Variants in ATF7 observed in about 807,000 individuals in gnomAD.
ATF7 encodes the protein activating transcription factor 7.
A neutral mutation model predicts 50.4 loss-of-function variants in ATF7; 10 were observed. That is an observed-to-expected ratio of 0.20 (90% CI 0.12 to 0.34). The LOEUF (loss-of-function observed/expected upper bound fraction) is 0.34, where lower values mean the gene tolerates loss of function less well. ATF7 is among the 10% of genes least tolerant of loss of function. The pLI is 1.00. For missense variants in ATF7, 465 were observed against 613.9 expected, an observed-to-expected ratio of 0.76 and a Z score of 2.56; for synonymous variants, 201 against 226.4, an observed-to-expected ratio of 0.89 and a Z score of 1.01.
At chr12:53,579,835 C>T (rs938698934) in intron 2 of ATF7, among the ~76,000 whole-genome samples, 1 of 151,492 alleles carries the variant, frequency 6.6e-6, no homozygotes, top group Non-Finnish European at 1.5e-5. Flanking sequence ...ACAAATTGTG[C>T]GCAATGCCTC....
chr12:53,609,063 A>C (rs1272502503), intron 1 of ATF7, among the ~76,000 whole-genome samples: 1 of 152,100 alleles, frequency 6.6e-6, no homozygotes, highest in East Asian at 1.9e-4. Context: ...CCAACACTTT[A>C]GGAGGCTGAG....
intron 11 of ATF7, among the ~76,000 whole-genome samples, chr12:53,520,390 A>G (rs933955962): frequency 6.6e-6 from 1 of 152,146 alleles, no homozygotes; most frequent in African/African-American, 2.4e-5. Context: ...CAGCCTGGCC[A>G]ATATGGCAAA....
Position 53,524,937 on chromosome 12 carries a change from G to A in ATF7, c.928-176C>T, listed in dbSNP as rs1938356544. The A allele has an allele frequency of 1.7e-6, 1 of 596,610 alleles. No homozygotes were observed. The highest frequency in any genetic ancestry group is 2.8e-6 in the Non-Finnish European group (1 of 356,170). The allele number at this position is 596,610 out of a possible 1,614,324, so 37.0% of individuals were successfully genotyped here. On this transcript the variant is annotated intron_variant, in intron 9 of 11. Transcript: ENST00000420353. The surrounding 1 kb of genome is among the most constrained non-coding windows in gnomAD (Gnocchi z 4.6). The stretch of plus-strand genomic sequence containing the variant: ...CCCTTTTGTAGGAGTCCTCAATTTT[G>A]CCTCCTATTTCCTTCCAGTCTTCTC...
intron 9 of ATF7, among the ~76,000 whole-genome samples, chr12:53,528,215 C>CA: frequency 6.6e-6 from 1 of 152,320 alleles, no homozygotes; most frequent in African/African-American, 2.4e-5. Flanking sequence ...ATTTCCAACT[C>CA]AATTTAATGA....
chr12:53,563,692 C>T (rs1279491374), intron 2 of ATF7, among the ~76,000 whole-genome samples: 1 of 152,250 alleles, frequency 6.6e-6, no homozygotes, highest in Non-Finnish European at 1.5e-5. Context: ...ACCTGCCCCA[C>T]CTCTGGGCTT....
Position 53,513,287 on chromosome 12 carries a change from C to T in ATF7, c.*3850G>A, listed in dbSNP as rs964361620. On this transcript the variant is annotated 3_prime_UTR_variant, in exon 12 of 12. Transcript: ENST00000420353. ...ATGGTGGCCAGCAGCCACCTACGCT[C>T]ATTCCTGCTAGGTAACCACCTTGGT... 1 of 152,212 alleles carries T rather than the reference C, an allele frequency of 6.6e-6. No homozygotes were observed. The highest frequency in any genetic ancestry group is 2.4e-5 in the African/African-American group (1 of 41,454). The allele number at this position is 152,212 out of a possible 1,614,324, so 9.4% of individuals were successfully genotyped here. A position where few individuals can be genotyped will look rare whatever the true frequency, so the allele number is the denominator to read the frequency against.
intron 2 of ATF7, among the ~76,000 whole-genome samples, chr12:53,562,842 C>T (rs929197344): frequency 2.0e-5 from 3 of 151,844 alleles, no homozygotes; most frequent in Admixed American, 6.6e-5. Flanking sequence ...AAAATTGTAA[C>T]CACAGGAAAA....
At chr12:53,571,989 C>T (rs752941308) in intron 2 of ATF7, among the ~76,000 whole-genome samples, 1 of 151,934 alleles carries the variant, frequency 6.6e-6, no homozygotes, top group Non-Finnish European at 1.5e-5. Flanking sequence ...ATCGCTTGAA[C>T]CTGAGAGACG....
intron 11 of ATF7, 72 bp from the exon 12 acceptor site, chr12:53,517,426 C>G: frequency 7.0e-7 from 1 of 1,438,620 alleles, no homozygotes; most frequent in Non-Finnish European, 9.5e-7. Flanking sequence ...GCAGGACTAC[C>G]TTTTGCCATA....
chr12:53,522,360 A>G (rs1267598891), intron 11 of ATF7, among the ~76,000 whole-genome samples: 1 of 149,860 alleles, frequency 6.7e-6, no homozygotes, highest in Admixed American at 6.7e-5. Context: ...AGAGTTTGAG[A>G]CCAGCCTGAC....
At chr12:53,567,688 T>C (rs112581947) in intron 2 of ATF7, among the ~76,000 whole-genome samples, 2 of 152,242 alleles carry the variant, frequency 1.3e-5, no homozygotes, top group Non-Finnish European at 2.9e-5. Flanking sequence ...GTCAGTTACA[T>C]GGCTAATTGC....
At chr12:53,599,288 C>T (rs1016879304) in intron 2 of ATF7, among the ~76,000 whole-genome samples, 3 of 151,944 alleles carry the variant, frequency 2.0e-5, no homozygotes, top group South Asian at 4.1e-4. Flanking sequence ...AATCACCCTG[C>T]CTTGGACTCT....
At chr12:53,571,348 A>T (rs568233095) in intron 2 of ATF7, among the ~76,000 whole-genome samples, 4 of 152,174 alleles carry the variant, frequency 2.6e-5, no homozygotes, top group Non-Finnish European at 5.9e-5. Context: ...GTAATTTGTT[A>T]TAACGCCTAC....
chr12:53,605,249 C>T (rs1197481054), intron 1 of ATF7, among the ~76,000 whole-genome samples: 1 of 151,966 alleles, frequency 6.6e-6, no homozygotes, highest in African/African-American at 2.4e-5. Context: ...ATTAGCCAGG[C>T]ATGGTGGCGC....
chr12:53,592,767 A>G (rs754997986), intron 2 of ATF7, among the ~76,000 whole-genome samples: 2 of 152,238 alleles, frequency 1.3e-5, no homozygotes, highest in Non-Finnish European at 2.9e-5. Context: ...TAGGTACTGA[A>G]GCAAAGTGAT....
chr12:53,539,564 C>CT (rs1384831438), intron 4 of ATF7, among the ~76,000 whole-genome samples: 4 of 152,074 alleles, frequency 2.6e-5, no homozygotes, highest in Non-Finnish European at 4.4e-5. Flanking sequence ...TGGTACGCGC[C>CT]TGTAGTCCCA....
At chr12:53,609,943 A>C (rs1222683384) in intron 1 of ATF7, among the ~76,000 whole-genome samples, 1 of 149,018 alleles carries the variant, frequency 6.7e-6, no homozygotes, top group African/African-American at 2.5e-5. Context: ...CAGCCTCTTG[A>C]GTAGCTGGGA....
At chr12:53,624,352 T>A (rs1210895693) in intron 1 of ATF7, among the ~76,000 whole-genome samples, 1 of 152,248 alleles carries the variant, frequency 6.6e-6, no homozygotes, top group Admixed American at 6.5e-5. Flanking sequence ...GTACTCTGGT[T>A]TCTCTTCATG....
Position 53,558,846 on chromosome 12 carries a change from T to C in ATF7, c.49-6209A>G, listed in dbSNP as rs559515094. ...ATGGACAGGGAAAGTACATTTCCTA[T>C]TAACAATTAACTTTCCATGAGACAT... On this transcript the variant is annotated intron_variant, in intron 2 of 11. Coordinates refer to ENST00000420353, the MANE Select transcript of ATF7 (RefSeq NM_006856.3). 2.8e-3 allele frequency among the ~76,000 whole-genome samples: 432 copies of C among 152,338 alleles called. 1 individual carries two copies. Among genetic ancestry groups the C allele is most frequent in the Non-Finnish European group, 4.5e-3 (309 of 68,024 alleles).
Sources: allele counts gnomAD v4.1 joint callset (sites outside exome capture counted in the v4.1 genomes callset), GRCh38; gene constraint gnomAD v4.1.1; non-coding constraint Gnocchi (gnomAD v3.1); transcripts MANE v1.5; gene names NCBI Gene and HGNC (gene_info 2026-07-23, HGNC 2026-07-21).